The following RARB variants were observed in gnomAD, a reference collection of about 807,000 sequenced individuals.
RARB encodes the protein retinoic acid receptor beta.
In RARB, 17 loss-of-function variants were observed where a neutral mutation model predicts 51.9. The ratio of observed to expected loss-of-function variants is 0.33; its 90% confidence interval spans 0.22 to 0.49. The LOEUF (loss-of-function observed/expected upper bound fraction) is 0.49. RARB is among the 20% of genes least tolerant of loss of function. The probability of loss-of-function intolerance (pLI) is 0.99; values close to 1 mark genes in which losing one functional copy is unlikely to be tolerated. For missense variants in RARB, 369 were observed against 550.8 expected, an observed-to-expected ratio of 0.67 and a Z score of 3.30; for synonymous variants, 215 against 195.4, an observed-to-expected ratio of 1.10 and a Z score of -0.84.
chr3:25,505,312 G>A (rs1402125171), intron 3 of RARB, among the ~76,000 whole-genome samples: 2 of 152,276 alleles, frequency 1.3e-5, no homozygotes, highest in East Asian at 3.9e-4. Context: ...TATACTGCGT[G>A]CCATAGGAAG....
intron 4 of RARB, among the ~76,000 whole-genome samples, chr3:25,159,977 G>C (rs747429032): frequency 6.6e-6 from 1 of 152,018 alleles, no homozygotes; most frequent in Non-Finnish European, 1.5e-5. Flanking sequence ...AAAACCACAG[G>C]CTAATTAAGA....
intron 2 of RARB, among the ~76,000 whole-genome samples, chr3:25,054,314 C>T (rs1389092432): frequency 6.6e-6 from 1 of 152,128 alleles, no homozygotes; most frequent in East Asian, 1.9e-4. Context: ...TTATTCACAC[C>T]CTTAAGAAAT....
At chr3:25,391,918 GT>G in intron 5 of RARB, among the ~76,000 whole-genome samples, 1 of 152,138 alleles carries the variant, frequency 6.6e-6, no homozygotes, top group African/African-American at 2.4e-5. Flanking sequence ...ATTTATCTTT[GT>G]TTTTATTGCA....
intron 2 of RARB, among the ~76,000 whole-genome samples, chr3:25,494,289 T>C (rs1170277848): frequency 3.2e-5 from 2 of 61,666 alleles, no homozygotes; most frequent in Non-Finnish European, 5.6e-5. Context: ...ATGCCATCAT[T>C]TACATCTCTG....
In RARB at chr3:25,484,597, A is replaced by G. The variant is rs562777717; in HGVS notation, c.307-16585A>G. 2.4e-4 allele frequency among the ~76,000 whole-genome samples: 37 copies of G among 152,286 alleles called. 1 individual carries two copies. The highest frequency in any genetic ancestry group is 3.4e-3 in the Middle Eastern group (1 of 294). ...TGCTTGAAAAAAAAATTAATATAAC[A>G]TATGAAAATTATATGAAATTCAATT... On this transcript the variant is annotated intron_variant, in intron 2 of 7. Transcript: ENST00000330688.
intron 5 of RARB, among the ~76,000 whole-genome samples, chr3:25,346,475 T>A (rs1705397636): frequency 6.6e-6 from 1 of 152,108 alleles, no homozygotes; most frequent in Non-Finnish European, 1.5e-5. Flanking sequence ...AAATTAACAT[T>A]TTTATTGAAT....
chr3:25,341,556 T>G (rs1477214565), intron 5 of RARB, among the ~76,000 whole-genome samples: 1 of 152,140 alleles, frequency 6.6e-6, no homozygotes, highest in Admixed American at 6.6e-5. Context: ...GGACAGGAAT[T>G]GATGACTTCT....
At chr3:25,108,680 T>C (rs1699551009) in intron 3 of RARB, among the ~76,000 whole-genome samples, 1 of 152,226 alleles carries the variant, frequency 6.6e-6, no homozygotes, top group Non-Finnish European at 1.5e-5. Flanking sequence ...TGTTTTTGTA[T>C]AGAGAGTTTG....
At chr3:25,500,727 C>T (rs1697271424) in intron 2 of RARB, among the ~76,000 whole-genome samples, 1 of 152,060 alleles carries the variant, frequency 6.6e-6, no homozygotes, top group Non-Finnish European at 1.5e-5. Context: ...GATCCTCCTG[C>T]CTCAGCCTCC....
chr3:25,593,818 T>A, intron 6 of RARB, 111 bp downstream of exon 6: 1 of 1,053,214 alleles, frequency 9.5e-7, no homozygotes, highest in Non-Finnish European at 1.4e-6. Context: ...TGGGAAAACA[T>A]GTGAATAAAG....
chr3:25,494,261 A>ACACACACACACACG (rs1696905476), intron 2 of RARB, among the ~76,000 whole-genome samples: 2 of 47,328 alleles, frequency 4.2e-5, no homozygotes, highest in African/African-American at 1.6e-4. Flanking sequence ...ACGCACACAC[A>ACACACACACACACG]CACACACACA....
At chr3:24,930,343 A>AT (rs1695412614) in intron 2 of RARB, among the ~76,000 whole-genome samples, 1 of 152,080 alleles carries the variant, frequency 6.6e-6, no homozygotes, top group Non-Finnish European at 1.5e-5. Flanking sequence ...CTTTACCACC[A>AT]TTAACTGCGT....
intron 1 of RARB, among the ~76,000 whole-genome samples, chr3:24,853,419 T>A (rs1275645627): frequency 6.6e-6 from 1 of 152,230 alleles, no homozygotes; most frequent in African/African-American, 2.4e-5. Context: ...AGTGAAATAC[T>A]TTTTACGGCT....
At chr3:25,029,722 A>T (rs1559440056) in intron 2 of RARB, among the ~76,000 whole-genome samples, 1 of 152,234 alleles carries the variant, frequency 6.6e-6, no homozygotes. Context: ...GAGTCCATAA[A>T]GTAGTGAATA....
chr3:24,935,628 C>T (rs1221045411), intron 2 of RARB, among the ~76,000 whole-genome samples: 1 of 152,090 alleles, frequency 6.6e-6, no homozygotes, highest in Non-Finnish European at 1.5e-5. Flanking sequence ...TTTCACAATC[C>T]CTAGGACGTA....
intron 2 of RARB, among the ~76,000 whole-genome samples, chr3:25,045,197 G>A (rs904146814): frequency 6.6e-6 from 1 of 152,198 alleles, no homozygotes; most frequent in African/African-American, 2.4e-5. Flanking sequence ...TTTCCTGGGT[G>A]TTTGATGGAG....
intron 5 of RARB, among the ~76,000 whole-genome samples, chr3:25,210,650 C>A (rs1701674276): frequency 6.7e-6 from 1 of 148,172 alleles, no homozygotes; most frequent in Non-Finnish European, 1.5e-5. Flanking sequence ...ATTCTCGTGC[C>A]TCAGTCTCCT....
At chr3:25,162,834 T>A (rs1002304724) in intron 4 of RARB, among the ~76,000 whole-genome samples, 1 of 152,226 alleles carries the variant, frequency 6.6e-6, no homozygotes, top group Non-Finnish European at 1.5e-5. Context: ...AATGGACACT[T>A]GGATTGTTTT....
chr3:25,145,323 G>C (rs1399803040), intron 4 of RARB, among the ~76,000 whole-genome samples: 1 of 152,044 alleles, frequency 6.6e-6, no homozygotes, highest in East Asian at 1.9e-4. Flanking sequence ...CCAGCAAACT[G>C]TCTATCCTGC....
Sources: gnomAD v4.1 joint callset for allele counts (sites outside exome capture counted in the v4.1 genomes callset) on GRCh38, gnomAD v4.1.1 for gene constraint, MANE v1.5 for transcripts, NCBI Gene and HGNC (gene_info 2026-07-23, HGNC 2026-07-21) for gene names.